The following ASB6 variants were observed in gnomAD, a reference collection of about 807,000 sequenced individuals.
The protein encoded by ASB6 is ankyrin repeat and SOCS box containing 6, also known as ankyrin repeat and SOCS box protein 6.
In ASB6, 24 loss-of-function variants were observed where a neutral mutation model predicts 28.6. The ratio of observed to expected loss-of-function variants is 0.84; its 90% CI spans 0.61 to 1.18. The LOEUF (loss-of-function observed/expected upper bound fraction) is 1.18, where lower values mean the gene tolerates loss of function less well. ASB6 is among the 50% of genes most tolerant of loss of function. The pLI is 0.00. For missense variants in ASB6, 519 were observed against 559.8 expected, an observed-to-expected ratio of 0.93 and a Z score of 0.74; for synonymous variants, 267 against 243.4, an observed-to-expected ratio of 1.10 and a Z score of -0.90.
In ASB6 at chr9:129,638,003, C is replaced by G; in HGVS notation, c.1053G>C (p.Val351=). The change falls in exon 6 of 6, where the codon GTG becomes GTC. Residue 351 remains valine, a synonymous_variant. Coordinates refer to ENST00000277458, the MANE Select transcript of ASB6 (RefSeq NM_017873.4). The stretch of plus-strand genomic sequence containing the variant: ...CCTGGATCTTTTCCGCCAGGCTGCC[C>G]ACAGGGTGGATATCGAAGTTTTCGG... ...QLPENFDIHP[V]GSLAEKIQAL... is the part of the protein sequence containing the mutation. 1 of 1,613,026 alleles carries G rather than the reference C, an allele frequency of 6.2e-7. No homozygotes were observed. The highest frequency in any genetic ancestry group is 8.5e-7 in the Non-Finnish European group (1 of 1,179,438).
At position 129,640,633 on chromosome 9, in the gene ASB6, C is replaced by T. The variant is rs1831673822; in HGVS notation, c.203G>A (p.Gly68Asp). The T allele has an allele frequency of 6.2e-7, 1 of 1,613,972 alleles. No individual in the cohort carries two copies. The highest frequency in any genetic ancestry group is 1.3e-5 in the African/African-American group (1 of 74,942). ...CATCTTGAGCAGGGCGTTGCTCACG[C>T]CTTCCTGGTAAAAGGGAGAGTGGGC... is the stretch of plus-strand genomic sequence containing the variant. ...RKAHSPFYQE[G>D]VSNALLKMAE... is the part of the protein sequence containing the mutation. The change falls in exon 2 of 6, where the codon GGC becomes GAC. Residue 68 changes from glycine to aspartate, a missense_variant. Gly to Asp is a moderately conservative substitution (Grantham distance 94, BLOSUM62 -1). Coordinates refer to ENST00000277458, the MANE Select transcript of ASB6 (RefSeq NM_017873.4).
In ASB6 at chr9:129,638,397, A is replaced by T; in HGVS notation, c.659T>A (p.Leu220Gln). The T allele has an allele frequency of 5.0e-6, 8 of 1,613,842 alleles. No individual in the cohort carries two copies. Among genetic ancestry groups the T allele is most frequent in the Non-Finnish European group, 6.8e-6 (8 of 1,179,990 alleles). The stretch of plus-strand genomic sequence containing the variant: ...GTCCCCTCCCACGGTCTCACCAAGC[A>T]GGAAGATGATGCAGGTGAACACTGT... ...GDTVFTCIIFLLGETVGGDKE... is the reference protein window; with the variant it reads ...GDTVFTCIIFQLGETVGGDKE... Residue 220 changes from leucine (L) to glutamine (Q), a missense_variant, in exon 6 of 6, where the codon CTG becomes CAG. Leu to Gln is a moderately radical substitution (Grantham distance 113). Coordinates refer to ENST00000277458, the MANE Select transcript of ASB6 (RefSeq NM_017873.4).
chr9:129,637,848 T>C lies in ASB6; in HGVS notation c.1208A>G (p.Asp403Gly). 6.5e-7 allele frequency: 1 copy of C among 1,527,770 alleles called. No individual in the cohort carries two copies. Among genetic ancestry groups the C allele is most frequent in the Non-Finnish European group, 8.8e-7 (1 of 1,138,408 alleles). 94.6% of individuals were successfully genotyped at this position (1,527,770 alleles called of 1,614,324 possible). Residue 403 changes from aspartate (D) to glycine (G), a missense_variant, in exon 6 of 6, where the codon GAC (aspartate) becomes GGC (glycine). Coordinates refer to ENST00000277458, the MANE Select transcript of ASB6 (RefSeq NM_017873.4). Reference sequence around the variant, plus strand: ...GCTAAGGAGGTACCACTTCAGCCTGTCGGGCAGAGGCAGGGCTTTGACCTT... The same window carrying C: ...GCTAAGGAGGTACCACTTCAGCCTGCCGGGCAGAGGCAGGGCTTTGACCTT... ...DVKVKALPLP[D>G]RLKWYLLSEH...
At chr9:129,641,103 C>A in intron 1 of ASB6, 1 of 231,992 alleles carries the variant, frequency 4.3e-6, no homozygotes, top group Non-Finnish European at 8.5e-6. Context: ...CATCCTCAAA[C>A]CCGCAGGACC....
chr9:129,638,802 AG>A (rs1831623185), intron 4 of ASB6, 143 bp from the exon 5 acceptor site: 1 of 706,186 alleles, frequency 1.4e-6, no homozygotes, highest in African/African-American at 1.8e-5. Context: ...GTGAGGGCTG[AG>A]GGTGACAGGC....
Position 129,640,462 on chromosome 9 carries a change from CCAAGG to C in ASB6, c.295+74_295+78del, listed in dbSNP as rs1831667711. On this transcript the variant is annotated intron_variant, in intron 2 of 5. Coordinates refer to ENST00000277458, the MANE Select transcript of ASB6 (RefSeq NM_017873.4). ...GTCACTCCTCAGAGGATGGTAGAAG[CCAAGG>C]CTGGGGACATGGGCGCCCACCCAGC... 2.6e-6 allele frequency: 4 copies of C among 1,516,042 alleles called. No homozygotes were observed. The Admixed American group carries it at 9.0e-5, about 34-fold the overall frequency. The allele number at this position is 1,516,042 out of a possible 1,614,324, so 93.9% of individuals were successfully genotyped here. A position where few individuals can be genotyped will look rare whatever the true frequency, so the allele number is the denominator to read the frequency against.
In ASB6 at chr9:129,638,349, T is replaced by C. The variant is rs1368368964; in HGVS notation, c.707A>G (p.Asn236Ser). The C allele has an allele frequency of 1.2e-6, 2 of 1,613,072 alleles. No individual in the cohort carries two copies. Among genetic ancestry groups the C allele is most frequent in the Admixed American group, 1.7e-5 (1 of 59,988 alleles). ...CCGTGTGACTTGGAAGCAGAAGCGG[T>C]TGATCATCTGGGCCTCCTCTTTGTC... Reference protein sequence around the residue: ...GGDKEEAQMINRFCFQVTRLL... With the variant: ...GGDKEEAQMISRFCFQVTRLL... Residue 236 changes from asparagine to serine, a missense_variant, in exon 6 of 6, where the codon AAC becomes AGC. Coordinates refer to ENST00000277458, the MANE Select transcript of ASB6 (RefSeq NM_017873.4).
Position 129,637,779 on chromosome 9 carries a change from C to A in ASB6, c.*11G>T, listed in dbSNP as rs767503499. ...CTGCCCGTGTCCCCCGTTCCTGTAG[C>A]CTGAGACCTATCAGATGTCATCTTC... On this transcript the variant is annotated 3_prime_UTR_variant, in exon 6 of 6. Transcript: ENST00000277458. 7.3e-6 allele frequency: 11 copies of A among 1,508,330 alleles called. No homozygotes were observed. Among genetic ancestry groups the A allele is most frequent in the Admixed American group, 4.6e-5 (2 of 43,278 alleles). The allele number at this position is 1,508,330 out of a possible 1,614,324, so 93.4% of individuals were successfully genotyped here.
At chr9:129,641,028 G>T in intron 1 of ASB6, 1 of 322,116 alleles carries the variant, frequency 3.1e-6, no homozygotes, top group South Asian at 3.3e-5. Context: ...GGACTGAAGG[G>T]ACCACCAGCC....
At chr9:129,640,491 G>T (rs1831668443) in intron 2 of ASB6, 50 bp downstream of exon 2, 2 of 1,566,478 alleles carry the variant, frequency 1.3e-6, no homozygotes, top group African/African-American at 2.7e-5. Flanking sequence ...CGCCCACCCA[G>T]CGTCGGGCCG....
chr9:129,637,996 G>A lies in ASB6; in HGVS notation c.1060C>T (p.Leu354=), dbSNP rs768013886. The A allele has an allele frequency of 3.1e-6, 5 of 1,612,012 alleles. No homozygotes were observed. In the East Asian group the frequency reaches 6.7e-5, roughly 22 times the overall value. Residue 354 remains leucine, a synonymous_variant, in exon 6 of 6, where the codon CTG becomes TTG. Coordinates refer to ENST00000277458, the MANE Select transcript of ASB6 (RefSeq NM_017873.4). ...TGGAGGGCCTGGATCTTTTCCGCCAGGCTGCCCACAGGGTGGATATCGAAG... is the reference window on the plus strand; with the variant it reads ...TGGAGGGCCTGGATCTTTTCCGCCAAGCTGCCCACAGGGTGGATATCGAAG... ...ENFDIHPVGS[L]AEKIQALHFS...
intron 2 of ASB6, among the ~76,000 whole-genome samples, chr9:129,639,899 C>G (rs1381288944): frequency 1.3e-5 from 2 of 152,234 alleles, no homozygotes; most frequent in East Asian, 3.9e-4. Flanking sequence ...CCTCCCGTCT[C>G]AGCTCCTTGA....
At chr9:129,640,514 C>T in intron 2 of ASB6, 27 bp downstream of exon 2, 9 of 1,589,902 alleles carry the variant, frequency 5.7e-6, no homozygotes, top group Non-Finnish European at 6.8e-6. Flanking sequence ...TTTAAGCCAC[C>T]TGCCCACCCC....
chr9:129,641,569 C>A (rs899908371), intron 1 of ASB6, among the ~76,000 whole-genome samples: 1 of 152,240 alleles, frequency 6.6e-6, no homozygotes, highest in Non-Finnish European at 1.5e-5. Flanking sequence ...TGAGGCCTCA[C>A]GGATTCCACC....
At position 129,638,624 on chromosome 9, in the gene ASB6, C is replaced by T. The variant is rs753202866; in HGVS notation, c.547G>A (p.Asp183Asn). 12 of 1,613,730 alleles carry T rather than the reference C, an allele frequency of 7.4e-6. No individual in the cohort carries two copies. The highest frequency in any genetic ancestry group is 4.5e-5 in the East Asian group (2 of 44,886). The change falls in exon 5 of 6, where the codon GAC (aspartate) becomes AAC (asparagine). Residue 183 changes from aspartate (D) to asparagine (N), a missense_variant. Physicochemically the swap from Asp to Asn is conservative, Grantham distance 23. Coordinates refer to ENST00000277458, the MANE Select transcript of ASB6 (RefSeq NM_017873.4). ...TCAGTATTGTGGATCTGCACCCCGTCGCTGCTGGCCAGAGCATGGAGCAGA... is the reference window on the plus strand; with the variant it reads ...TCAGTATTGTGGATCTGCACCCCGTTGCTGCTGGCCAGAGCATGGAGCAGA... ...TALLHALASS[D>N]GVQIHNTENI...
At chr9:129,640,424 T>TA (rs1284883380) in intron 2 of ASB6, 117 bp downstream of exon 2, 3 of 1,365,190 alleles carry the variant, frequency 2.2e-6, no homozygotes, top group African/African-American at 3.0e-5. Flanking sequence ...ACCCAGGAAA[T>TA]AAAGGGGGGG....
At position 129,637,771 on chromosome 9, in the gene ASB6, TC is replaced by T. The variant is rs1279443697; in HGVS notation, c.*18del. ...GACCTGAGCTGCCCGTGTCCCCCGT[TC>T]CTGTAGCCTGAGACCTATCAGATGT... On this transcript the variant is annotated 3_prime_UTR_variant, in exon 6 of 6. Coordinates refer to ENST00000277458, the MANE Select transcript of ASB6 (RefSeq NM_017873.4). 2 of 1,501,522 alleles carry T rather than the reference TC, an allele frequency of 1.3e-6. No homozygotes were observed. The highest frequency in any genetic ancestry group is 1.8e-6 in the Non-Finnish European group (2 of 1,125,138). 93.0% of individuals were successfully genotyped at this position (1,501,522 alleles called of 1,614,324 possible).
intron 1 of ASB6, 69 bp downstream of exon 1, chr9:129,641,818 T>G: frequency 3.8e-5 from 53 of 1,410,186 alleles, no homozygotes; most frequent in Non-Finnish European, 4.5e-5. Flanking sequence ...CCGCCCGGCT[T>G]GTGGTGATAA....
chr9:129,635,645 G>A lies in ASB6; in HGVS notation c.*2145C>T, dbSNP rs1422513585. 2 of 754,424 alleles carry A rather than the reference G, an allele frequency of 2.7e-6. No homozygotes were observed. The highest frequency in any genetic ancestry group is 2.2e-6 in the Non-Finnish European group (1 of 464,888). The allele number at this position is 754,424 out of a possible 1,614,324, so 46.7% of individuals were successfully genotyped here. ...AAGGCAAGGTGGGACCCGGCGGGGA[G>A]GGTGCTGCTGAACCAGCGGTGAGGC... On this transcript the variant is annotated 3_prime_UTR_variant, in exon 6 of 6. Transcript: ENST00000277458.
Sources: allele counts gnomAD v4.1 joint callset (sites outside exome capture counted in the v4.1 genomes callset), GRCh38; gene constraint gnomAD v4.1.1; transcripts MANE v1.5; gene names NCBI Gene and HGNC (gene_info 2026-07-23, HGNC 2026-07-21).